The following APBB2 variants were observed in gnomAD, a reference collection of about 807,000 sequenced individuals.
APBB2 encodes the protein amyloid beta precursor protein binding family B member 2.
Under a neutral mutation model 82.5 loss-of-function variants are expected in APBB2, and 38 were observed. That is an observed-to-expected ratio of 0.46 (90% CI 0.36 to 0.60). The LOEUF (loss-of-function observed/expected upper bound fraction) is 0.60, where lower values mean the gene tolerates loss of function less well. Ranked by LOEUF, APBB2 falls within the 20% of genes least tolerant of loss-of-function variation. The pLI is 0.00. For synonymous variants in APBB2, 341 were observed against 368.2 expected, an observed-to-expected ratio of 0.93 and a Z score of 0.85; for missense variants, 772 against 972.3, an observed-to-expected ratio of 0.79 and a Z score of 2.74.
At chr4:40,932,695 A>G (rs1210053306) in intron 10 of APBB2, among the ~76,000 whole-genome samples, 1 of 152,208 alleles carries the variant, frequency 6.6e-6, no homozygotes, top group Non-Finnish European at 1.5e-5. Flanking sequence ...GTGGAATTCC[A>G]TGGTTGTTAG....
At position 40,870,224 on chromosome 4, in the gene APBB2, C is replaced by T. The variant is rs142450269; in HGVS notation, c.1529+20140G>A. 3.2e-3 allele frequency among the ~76,000 whole-genome samples: 494 copies of T among 152,314 alleles called. 1 individual carries two copies. The highest frequency in any genetic ancestry group is 0.011 in the African/African-American group (478 of 41,574). On this transcript the variant is annotated intron_variant, in intron 12 of 17. Transcript: ENST00000508593. Reference sequence around the variant, plus strand: ...TGCTCCAGGAATCTCAACAAGCAGCCTCCTCTGCCTCCAGCCCACTGTGCC... The same window carrying T: ...TGCTCCAGGAATCTCAACAAGCAGCTTCCTCTGCCTCCAGCCCACTGTGCC...
intron 2 of APBB2, among the ~76,000 whole-genome samples, chr4:41,102,459 C>T (rs918542552): frequency 3.9e-5 from 6 of 152,150 alleles, no homozygotes; most frequent in African/African-American, 1.2e-4. Flanking sequence ...TCTGCTATAA[C>T]GCTTGTGTTT....
At chr4:40,958,384 A>G (rs1247117422) in intron 6 of APBB2, among the ~76,000 whole-genome samples, 1 of 152,236 alleles carries the variant, frequency 6.6e-6, no homozygotes, top group Non-Finnish European at 1.5e-5. Context: ...AAAAAGCTTA[A>G]TAAAAACTTA....
In APBB2 at chr4:40,915,380, T is replaced by G. The variant is rs185084254; in HGVS notation, c.1254+19076A>C. 1.1e-3 allele frequency among the ~76,000 whole-genome samples: 160 copies of G among 152,362 alleles called. 1 individual carries two copies. The highest frequency in any genetic ancestry group is 3.8e-3 in the African/African-American group (158 of 41,582). On this transcript the variant is annotated intron_variant, in intron 10 of 17. Coordinates refer to ENST00000508593, the MANE Select transcript of APBB2 (RefSeq NM_004307.2). ...CTTGTGTGGTTCTCTCTCCACACCC[T>G]GGAATGTACGTTACACAAAGGCAGG... is the stretch of plus-strand genomic sequence containing the variant.
At chr4:40,831,269 G>A (rs376484216) in intron 12 of APBB2, among the ~76,000 whole-genome samples, 59 of 152,084 alleles carry the variant, frequency 3.9e-4, no homozygotes, top group African/African-American at 1.4e-3. Context: ...CGTGGTGGCC[G>A]GCGTCTGTAA....
At chr4:41,163,306 T>C (rs566622916) in intron 1 of APBB2, among the ~76,000 whole-genome samples, 66 of 152,304 alleles carry the variant, frequency 4.3e-4, no homozygotes, top group African/African-American at 1.6e-3. Context: ...AATAGGGGAA[T>C]AGCCCTGGAT....
rs181940102 is a variant in APBB2 at position 41,091,054 on chromosome 4, C to T, written c.-149+9585G>A. On this transcript the variant is annotated intron_variant, in intron 3 of 17. Coordinates refer to ENST00000508593, the MANE Select transcript of APBB2 (RefSeq NM_004307.2). ...TCTGATCCCCTGGTGTATTTGTCGG[C>T]TTATTTTATTGTCACCCTCACACTC... Among the ~76,000 whole-genome samples, 3 of 152,242 alleles carry T rather than the reference C, an allele frequency of 2.0e-5. No homozygotes were observed. The East Asian group carries it at 5.8e-4, about 29-fold the overall frequency.
intron 10 of APBB2, among the ~76,000 whole-genome samples, chr4:40,920,645 G>T (rs1658645421): frequency 6.6e-6 from 1 of 152,208 alleles, no homozygotes; most frequent in Non-Finnish European, 1.5e-5. Flanking sequence ...GCCGAGGCAG[G>T]TGGATCACCT....
At chr4:40,858,013 C>T (rs1761834035) in intron 12 of APBB2, among the ~76,000 whole-genome samples, 1 of 152,136 alleles carries the variant, frequency 6.6e-6, no homozygotes, top group Admixed American at 6.5e-5. Flanking sequence ...CACCCCTACA[C>T]CCTTTTGTAA....
chr4:41,212,998 T>G (rs1367274799), intron 1 of APBB2, among the ~76,000 whole-genome samples: 1 of 152,014 alleles, frequency 6.6e-6, no homozygotes, highest in African/African-American at 2.4e-5. Context: ...TTCCATCTGT[T>G]CCTAAAAGGC....
intron 1 of APBB2, among the ~76,000 whole-genome samples, chr4:41,211,325 T>C (rs910110906): frequency 1.3e-5 from 2 of 151,870 alleles, no homozygotes; most frequent in African/African-American, 4.8e-5. Context: ...TGTAGGAAAA[T>C]AAGTATTCCC....
intron 1 of APBB2, among the ~76,000 whole-genome samples, chr4:41,177,142 A>T (rs1770041085): frequency 1.3e-5 from 2 of 152,200 alleles, no homozygotes; most frequent in African/African-American, 4.8e-5. Flanking sequence ...CCATCTGTGA[A>T]TTCAGAGGGT....
chr4:40,953,592 C>T (rs892927512), intron 6 of APBB2, among the ~76,000 whole-genome samples: 4 of 152,158 alleles, frequency 2.6e-5, no homozygotes, highest in African/African-American at 4.8e-5. Context: ...GCCTTTCCCC[C>T]GAATTCTGCT....
At chr4:41,050,969 C>T (rs1264701612) in intron 4 of APBB2, among the ~76,000 whole-genome samples, 1 of 143,228 alleles carries the variant, frequency 7.0e-6, no homozygotes, top group Non-Finnish European at 1.5e-5. Context: ...AGCCCGGAGG[C>T]CACCACCAGG....
chr4:40,838,952 C>T (rs938808153), intron 12 of APBB2, among the ~76,000 whole-genome samples: 2 of 152,088 alleles, frequency 1.3e-5, no homozygotes, highest in Non-Finnish European at 2.9e-5. Context: ...GCAGCACCAG[C>T]AGGTGGTACC....
chr4:40,954,891 T>G (rs1051803905), intron 6 of APBB2, among the ~76,000 whole-genome samples: 3 of 152,112 alleles, frequency 2.0e-5, no homozygotes, highest in African/African-American at 7.2e-5. Context: ...CCTTGGGTGA[T>G]CCGCCCGCCT....
intron 10 of APBB2, among the ~76,000 whole-genome samples, chr4:40,933,054 G>A (rs1313850988): frequency 2.0e-5 from 3 of 152,176 alleles, no homozygotes; most frequent in Non-Finnish European, 4.4e-5. Flanking sequence ...AGTAGAGACG[G>A]GGTTTCACCA....
intron 12 of APBB2, among the ~76,000 whole-genome samples, chr4:40,883,338 G>A (rs1769228665): frequency 6.6e-6 from 1 of 152,114 alleles, no homozygotes; most frequent in African/African-American, 2.4e-5. Context: ...AGTAATCCCA[G>A]CACTTTGGGA....
At chr4:41,015,825 CAG>C (rs1168200643) in intron 5 of APBB2, among the ~76,000 whole-genome samples, 1 of 152,138 alleles carries the variant, frequency 6.6e-6, no homozygotes, top group African/African-American at 2.4e-5. Context: ...TTTACAGAAA[CAG>C]AGAATGTAGT....
Sources: allele counts gnomAD v4.1 joint callset (sites outside exome capture counted in the v4.1 genomes callset), GRCh38; gene constraint gnomAD v4.1.1; transcripts MANE v1.5; gene names NCBI Gene and HGNC (gene_info 2026-07-23, HGNC 2026-07-21).